Variants in MAST2 observed in about 807,000 individuals in gnomAD.
MAST2 encodes microtubule associated serine/threonine kinase 2.
MAST2 carries 70 observed loss-of-function variants against 147.4 expected under a neutral mutation model. That is an observed-to-expected ratio of 0.47 (90% CI 0.39 to 0.58). The LOEUF (loss-of-function observed/expected upper bound fraction) is 0.58, where lower values mean the gene tolerates loss of function less well. MAST2 is among the 20% of genes least tolerant of loss of function. The probability of loss-of-function intolerance (pLI) is 0.00; values close to 1 mark genes in which losing one functional copy is unlikely to be tolerated. For missense variants in MAST2, 2,080 were observed against 2,302.3 expected (o/e 0.90, Z 1.98); for synonymous variants, 869 against 896.8 (o/e 0.97, Z 0.55).
intron 11 of MAST2, among the ~76,000 whole-genome samples, chr1:46,020,712 AATAACTTAAC>A (rs1392461684): frequency 6.6e-6 from 1 of 152,108 alleles, no homozygotes; most frequent in African/African-American, 2.4e-5. Flanking sequence ...GCTCCCAGAC[AATAACTTAAC>A]TGCTTTGTTT....
At chr1:46,030,979 C>T (rs1646637513) in intron 22 of MAST2, 28 bp from the exon 23 acceptor site, 4 of 1,602,956 alleles carry the variant, frequency 2.5e-6, no homozygotes, top group South Asian at 1.1e-5. Flanking sequence ...CCACCTGGGT[C>T]ACTCACCCCA....
At chr1:45,972,506 G>A (rs1643954574) in intron 5 of MAST2, among the ~76,000 whole-genome samples, 1 of 152,250 alleles carries the variant, frequency 6.6e-6, no homozygotes, top group Non-Finnish European at 1.5e-5. Context: ...GTCTTGGAGA[G>A]GGGTGGCAGG....
chr1:45,918,916 A>G (rs1435282073), intron 4 of MAST2, among the ~76,000 whole-genome samples: 2 of 152,120 alleles, frequency 1.3e-5, no homozygotes, highest in Non-Finnish European at 2.9e-5. Context: ...ACCACTCACA[A>G]GTTCGAGACC....
intron 4 of MAST2, among the ~76,000 whole-genome samples, chr1:45,951,948 C>G (rs1658988885): frequency 6.6e-6 from 1 of 152,022 alleles, no homozygotes; most frequent in Admixed American, 6.6e-5. Flanking sequence ...ATGGTGAGTC[C>G]CCACTATAAT....
At position 46,035,802 on chromosome 1, in the gene MAST2, C is replaced by A. The variant is rs751244142; in HGVS notation, c.5133C>A (p.Pro1711=). The change falls in exon 29 of 29, where the codon CCC becomes CCA. Residue 1711 remains proline (P), a synonymous_variant. Transcript: ENST00000361297. The surrounding 1 kb of genome is among the most constrained non-coding windows in gnomAD (Gnocchi z 5.5). ...EQGKTQPPSA[P]RLAHPSYEDP... is the part of the protein sequence containing the mutation. The stretch of plus-strand genomic sequence containing the variant: ...GGAAGACACAGCCACCTAGTGCCCC[C>A]AGACTGGCCCATCCATCTTATGAGG... The A allele has an allele frequency of 2.5e-6, 4 of 1,614,124 alleles. 1 individual carries two copies. In the South Asian group the frequency reaches 4.4e-5, roughly 18 times the overall value.
intron 4 of MAST2, chr1:45,913,668 G>A (rs1425181562): frequency 6.9e-6 from 7 of 1,020,674 alleles, no homozygotes; most frequent in Admixed American, 1.2e-4. Context: ...GATGGGAGGG[G>A]TGTTCTGAAG....
intron 5 of MAST2, among the ~76,000 whole-genome samples, chr1:45,967,078 A>G (rs1475777653): frequency 6.6e-6 from 1 of 150,762 alleles, no homozygotes; most frequent in Non-Finnish European, 1.5e-5. Context: ...AGGCCCAGGC[A>G]GGCTTTTTTT....
chr1:45,823,140 A>ATT (rs1224987961), intron 1 of MAST2, among the ~76,000 whole-genome samples: 1 of 151,482 alleles, frequency 6.6e-6, no homozygotes. Flanking sequence ...ACCAACCAAT[A>ATT]TTAGTACTTA....
chr1:45,890,906 C>G (rs1182120026), intron 4 of MAST2, among the ~76,000 whole-genome samples: 3 of 152,166 alleles, frequency 2.0e-5, no homozygotes, highest in African/African-American at 4.8e-5. Context: ...GCTTTGTCCT[C>G]CTACCTCTAG....
At chr1:45,961,029 G>A (rs760747790) in intron 5 of MAST2, among the ~76,000 whole-genome samples, 3 of 152,024 alleles carry the variant, frequency 2.0e-5, no homozygotes, top group Non-Finnish European at 4.4e-5. Context: ...TTTGTCCTTG[G>A]GAGAAGGATC....
rs916308374 is a variant in MAST2 at position 46,023,949 on chromosome 1, C to T, written c.1749C>T (p.Arg583=). The T allele has an allele frequency of 1.9e-6, 3 of 1,614,092 alleles. No homozygotes were observed. Among genetic ancestry groups the T allele is most frequent in the South Asian group, 1.1e-5 (1 of 91,088 alleles). ...TGTTCTGCTCCTTTGATACCAAGCG[C>T]CACTTGTGCATGGTGATGGAGTACG... ...VSMFCSFDTK[R]HLCMVMEYVE... is the part of the protein sequence containing the mutation. Residue 583 remains arginine, a synonymous_variant, in exon 15 of 29, where the codon CGC becomes CGT. Coordinates refer to ENST00000361297, the MANE Select transcript of MAST2 (RefSeq NM_015112.3). This position sits in a 1 kb window ranked among gnomAD's most constrained non-coding sequence, Gnocchi z 4.9.
chr1:46,033,946 A>G lies in MAST2; in HGVS notation c.3674+8A>G. ...CAAGGATGGGCAAGAAAGGTGAGCC[A>G]GGCGCAGTGAAGAGGGTTTTCTCTG... On this transcript the variant is annotated splice_region_variant and intron_variant, in intron 27 of 28. Transcript: ENST00000361297. 4 of 1,613,952 alleles carry G rather than the reference A, an allele frequency of 2.5e-6. No individual in the cohort carries two copies. In the South Asian group the frequency reaches 3.3e-5, roughly 13 times the overall value.
intron 1 of MAST2, among the ~76,000 whole-genome samples, chr1:45,818,024 G>A (rs1345407747): frequency 6.6e-6 from 1 of 152,208 alleles, no homozygotes; most frequent in Non-Finnish European, 1.5e-5. Flanking sequence ...ACGTTGTCGA[G>A]ATGCTTGAAG....
intron 5 of MAST2, among the ~76,000 whole-genome samples, chr1:45,992,351 T>G (rs1644886447): frequency 1.3e-5 from 2 of 152,222 alleles, no homozygotes; most frequent in African/African-American, 4.8e-5. Context: ...TAATTGATTT[T>G]CAAATGTTGA....
At position 45,836,106 on chromosome 1, in the gene MAST2, G is replaced by A. The variant is rs1035074232; in HGVS notation, c.468+6525G>A. 3.3e-5 allele frequency among the ~76,000 whole-genome samples: 5 copies of A among 152,162 alleles called. 1 individual carries two copies. The highest frequency in any genetic ancestry group is 6.8e-3 in the Middle Eastern group (2 of 294). On this transcript the variant is annotated intron_variant, in intron 3 of 28. Coordinates refer to ENST00000361297, the MANE Select transcript of MAST2 (RefSeq NM_015112.3). ...TTTGAATACTTGTTTTCTGTATTTT[G>A]GGTATGTACCTAAGAGTAGATTTGT...
At chr1:45,884,185 A>G (rs1646979129) in intron 4 of MAST2, among the ~76,000 whole-genome samples, 1 of 151,912 alleles carries the variant, frequency 6.6e-6, no homozygotes, top group Admixed American at 6.6e-5. Flanking sequence ...TCAGAAATAG[A>G]TTTTCCCTCC....
intron 4 of MAST2, among the ~76,000 whole-genome samples, chr1:45,899,307 CTTTTTTTT>C (rs770069959): frequency 6.5e-5 from 7 of 108,030 alleles, no homozygotes; most frequent in Middle Eastern, 6.1e-3. Context: ...CCTTTCTTTT[CTTTTTTTT>C]TTTTTTTTTT....
chr1:45,901,426 G>A (rs141046360), intron 4 of MAST2, among the ~76,000 whole-genome samples: 85 of 152,188 alleles, frequency 5.6e-4, no homozygotes, highest in Middle Eastern at 3.4e-3. Context: ...ATTTGAAGTC[G>A]AGTAGTGTGA....
intron 4 of MAST2, among the ~76,000 whole-genome samples, chr1:45,912,371 C>A (rs1651815230): frequency 6.6e-6 from 1 of 152,200 alleles, no homozygotes; most frequent in Admixed American, 6.5e-5. Context: ...ACACACATTT[C>A]ACAAAACAGT....
Sources: allele counts gnomAD v4.1 joint callset (sites outside exome capture counted in the v4.1 genomes callset), GRCh38; gene constraint gnomAD v4.1.1; non-coding constraint Gnocchi (gnomAD v3.1); transcripts MANE v1.5; gene names NCBI Gene and HGNC (gene_info 2026-07-23, HGNC 2026-07-21).